The following DOP1A variants were observed in gnomAD, a reference collection of about 807,000 sequenced individuals.
DOP1A encodes the protein DOP1 leucine zipper like protein A.
DOP1A carries 90 observed loss-of-function variants against 267.6 expected under a neutral mutation model. The ratio of observed to expected loss-of-function variants is 0.34; its 90% CI spans 0.28 to 0.40. DOP1A has a LOEUF of 0.40. DOP1A is among the 10% of genes least tolerant of loss of function. DOP1A has a pLI of 1.00. For synonymous variants in DOP1A, 932 were observed against 999.1 expected, an observed-to-expected ratio of 0.93 and a Z score of 1.27; for missense variants, 2,437 against 2,900.4, an observed-to-expected ratio of 0.84 and a Z score of 3.67.
chr6:83,103,657 T>C (rs1022612376), intron 4 of DOP1A, among the ~76,000 whole-genome samples: 1 of 152,230 alleles, frequency 6.6e-6, no homozygotes, highest in Non-Finnish European at 1.5e-5. Flanking sequence ...TTTGTCCTTA[T>C]GTGCTTCATT....
intron 1 of DOP1A, among the ~76,000 whole-genome samples, chr6:83,069,370 T>G (rs896531823): frequency 3.3e-5 from 5 of 152,214 alleles, no homozygotes; most frequent in Non-Finnish European, 5.9e-5. Flanking sequence ...AAACCTTTAC[T>G]GTTATGCTGA....
At chr6:83,158,487 A>T (rs2128394762) in intron 35 of DOP1A, 80 bp from the exon 36 acceptor site, 1 of 1,114,770 alleles carries the variant, frequency 9.0e-7, no homozygotes, top group Non-Finnish European at 1.3e-6. Flanking sequence ...TTTTTGCGTT[A>T]ATGAAAATAC....
chr6:83,166,668 AC>A lies in DOP1A; in HGVS notation c.7093-1193del, dbSNP rs146881049. The A allele has an allele frequency of 1.7e-3, 2,127 of 1,269,152 alleles. 51 individuals carry two copies. In the East Asian group the frequency reaches 0.052, roughly 31 times the overall value. The allele number at this position is 1,269,152 out of a possible 1,614,324, so 78.6% of individuals were successfully genotyped here. ...TTTCAACAATGCAAAAACCGCAATT[AC>A]GTTTGCACCAACCTAATATTTTCCT... On this transcript the variant is annotated intron_variant, in intron 38 of 38. Coordinates refer to ENST00000349129, the MANE Select transcript of DOP1A (RefSeq NM_015018.4).
At chr6:83,069,666 A>G (rs1276705612) in intron 1 of DOP1A, among the ~76,000 whole-genome samples, 1 of 152,168 alleles carries the variant, frequency 6.6e-6, no homozygotes, top group African/African-American at 2.4e-5. Flanking sequence ...TTAAGTTCCC[A>G]TGAGTCTTAA....
chr6:83,142,126 G>A (rs1779747912), intron 24 of DOP1A, 80 bp downstream of exon 24: 2 of 1,524,950 alleles, frequency 1.3e-6, no homozygotes, highest in East Asian at 2.3e-5. Flanking sequence ...ATATATTGCA[G>A]TGGGGCCGGG....
At chr6:83,163,991 C>G (rs1004999513) in intron 38 of DOP1A, among the ~76,000 whole-genome samples, 2 of 151,562 alleles carry the variant, frequency 1.3e-5, no homozygotes, top group African/African-American at 4.9e-5. Context: ...CTGGTATGCT[C>G]ACCATTGGGC....
intron 37 of DOP1A, 59 bp downstream of exon 37, chr6:83,160,019 T>G (rs1363228666): frequency 8.0e-6 from 12 of 1,497,428 alleles, no homozygotes; most frequent in African/African-American, 1.4e-5. Flanking sequence ...CTTTGGTCAC[T>G]GACATCTATG....
intron 31 of DOP1A, 30 bp from the exon 32 acceptor site, chr6:83,153,864 G>A (rs647231): frequency 0.27 from 434,199 of 1,580,828 alleles, 63,782 homozygotes; most frequent in African/African-American, 0.57. Flanking sequence ...GTTAGGACAC[G>A]TAGGTTAAGG....
intron 15 of DOP1A, among the ~76,000 whole-genome samples, chr6:83,128,576 G>A (rs185492085): frequency 2.6e-5 from 4 of 152,118 alleles, no homozygotes; most frequent in Middle Eastern, 3.4e-3. Context: ...CTCATTCTTG[G>A]CATTGTTTAG....
In DOP1A at chr6:83,097,110, A is replaced by T; in HGVS notation, c.133A>T (p.Asn45Tyr). 1.9e-6 allele frequency: 3 copies of T among 1,613,926 alleles called. No individual in the cohort carries two copies. The highest frequency in any genetic ancestry group is 1.7e-6 in the Non-Finnish European group (2 of 1,179,882). The stretch of plus-strand genomic sequence containing the variant: ...TTTGATATCAGCACTTGGAAAACTT[A>T]ATAAGGTATGTCTGTATTATCCATT... ...ADLISALGKLNKVLQNNAKYQ... is the reference protein window; with the variant it reads ...ADLISALGKLYKVLQNNAKYQ... The change falls in exon 3 of 39, where the codon AAT becomes TAT. Residue 45 changes from asparagine to tyrosine, a missense_variant. Asn to Tyr is a moderately radical substitution (Grantham distance 143, BLOSUM62 -2). Around this residue, in one of 9 missense-constraint regions of DOP1A, gnomAD observed 251 missense variants for 359.1 expected, o/e 0.70. Coordinates refer to ENST00000349129, the MANE Select transcript of DOP1A (RefSeq NM_015018.4).
chr6:83,110,396 A>G (rs1774351654), intron 6 of DOP1A, 82 bp downstream of exon 6: 2 of 1,329,646 alleles, frequency 1.5e-6, no homozygotes, highest in Non-Finnish European at 2.0e-6. Context: ...TGAGGATTGT[A>G]TAATGAACAA....
Position 83,141,993 on chromosome 6 carries a change from A to G in DOP1A, c.5488A>G (p.Ile1830Val). Residue 1830 changes from isoleucine (I) to valine (V), a missense_variant, in exon 24 of 39, where the codon ATT (isoleucine) becomes GTT (valine). Around this residue, in one of 9 missense-constraint regions of DOP1A, gnomAD observed 307 missense variants for 308.6 expected, o/e 0.99. Coordinates refer to ENST00000349129, the MANE Select transcript of DOP1A (RefSeq NM_015018.4). ...TCATGGTGTTCACTTTATGGCTGCC[A>G]TTGCATTTGTGTGGAATGAAAGAAG... Reference protein sequence around the residue: ...MNHGVHFMAAIAFVWNERRQN... With the variant: ...MNHGVHFMAAVAFVWNERRQN... 1.2e-6 allele frequency: 2 copies of G among 1,613,158 alleles called. No homozygotes were observed. Among genetic ancestry groups the G allele is most frequent in the South Asian group, 1.1e-5 (1 of 90,898 alleles).
At chr6:83,168,675 G>A, downstream of DOP1A, 1 of 994,470 alleles carries the variant, frequency 1.0e-6, no homozygotes, top group Non-Finnish European at 1.2e-6. Context: ...AGTATTGCAT[G>A]AGCATCTCCA....
intron 15 of DOP1A, among the ~76,000 whole-genome samples, chr6:83,126,285 A>G (rs757566327): frequency 7.9e-5 from 12 of 152,074 alleles, no homozygotes; most frequent in Admixed American, 2.6e-4. Context: ...GTGGGGATCA[A>G]TCAGAGGAAA....
intron 1 of DOP1A, among the ~76,000 whole-genome samples, chr6:83,081,734 TAGC>T (rs376834762): frequency 6.5e-4 from 99 of 152,220 alleles, no homozygotes; most frequent in African/African-American, 2.0e-3. Flanking sequence ...AGGAAACAAT[TAGC>T]AGAGTAAAGA....
chr6:83,099,197 C>T (rs1298361444), intron 3 of DOP1A, among the ~76,000 whole-genome samples: 2 of 152,072 alleles, frequency 1.3e-5, no homozygotes, highest in Non-Finnish European at 2.9e-5. Flanking sequence ...CTCTCACTCA[C>T]AATACCACAC....
rs552529906 is a variant in DOP1A, at chr6:83,092,919, G to A, written c.-146-3812G>A. Among the ~76,000 whole-genome samples, 11 of 152,122 alleles carry A rather than the reference G, an allele frequency of 7.2e-5. No individual in the cohort carries two copies. The East Asian group carries it at 9.7e-4, about 13-fold the overall frequency. The stretch of plus-strand genomic sequence containing the variant: ...GAATGTTATGCAATTTAAAACTTAC[G>A]AATTGTTTATTTCTGGAATTTTTCA... On this transcript the variant is annotated intron_variant, in intron 1 of 38. Coordinates refer to ENST00000349129, the MANE Select transcript of DOP1A (RefSeq NM_015018.4).
chr6:83,160,289 A>G (rs1783928959), intron 37 of DOP1A, among the ~76,000 whole-genome samples: 1 of 152,206 alleles, frequency 6.6e-6, no homozygotes, highest in Non-Finnish European at 1.5e-5. Context: ...AGAGATCCCT[A>G]CTAGCTCTGA....
At chr6:83,140,686 C>T (rs1779477717) in intron 23 of DOP1A, among the ~76,000 whole-genome samples, 1 of 152,122 alleles carries the variant, frequency 6.6e-6, no homozygotes. Flanking sequence ...TGGCCATTTG[C>T]ACTCACTCCC....
Sources: gnomAD v4.1 joint callset for allele counts (sites outside exome capture counted in the v4.1 genomes callset) on GRCh38, gnomAD v4.1.1 for gene constraint, gnomAD v4.1.1 regional missense constraint, MANE v1.5 for transcripts, NCBI Gene and HGNC (gene_info 2026-07-23, HGNC 2026-07-21) for gene names.